The following PCYT2 variants were observed in gnomAD, a reference collection of about 807,000 sequenced individuals.
The protein encoded by PCYT2 is phosphate cytidylyltransferase 2, ethanolamine.
PCYT2 carries 33 observed loss-of-function variants against 50.0 expected under a neutral mutation model. The observed-to-expected ratio is 0.66, with a 90% CI of 0.50 to 0.88. PCYT2 has a LOEUF of 0.88. Ranked by LOEUF, PCYT2 falls within the 40% of genes least tolerant of loss-of-function variation. The probability of loss-of-function intolerance (pLI) is 0.00; values close to 1 mark genes in which losing one functional copy is unlikely to be tolerated. For missense variants in PCYT2, 430 were observed against 519.7 expected, an observed-to-expected ratio of 0.83 and a Z score of 1.68; for synonymous variants, 240 against 203.7, an observed-to-expected ratio of 1.18 and a Z score of -1.52.
intron 4 of PCYT2, 59 bp downstream of exon 4, chr17:81,908,509 G>A: frequency 7.5e-7 from 1 of 1,336,066 alleles, no homozygotes; most frequent in Middle Eastern, 1.8e-4. Context: ...CAAAGCACGA[G>A]CCAGGAGGGA....
chr17:81,908,473 T>TCC lies in PCYT2; in HGVS notation c.407+93_407+94dup, dbSNP rs1489848370. 4.4e-6 allele frequency: 4 copies of TCC among 915,780 alleles called. No individual in the cohort carries two copies. The Admixed American group carries it at 7.9e-5, about 18-fold the overall frequency. 56.7% of individuals were successfully genotyped at this position (915,780 alleles called of 1,614,324 possible). ...GGAACATGGCCCAGGGCCTGGACGC[T>TCC]CCCCTCACGGGCTCCCGGTAAATAG... is the stretch of plus-strand genomic sequence containing the variant. On this transcript the variant is annotated intron_variant, in intron 4 of 12. Coordinates refer to ENST00000538936, the MANE Select transcript of PCYT2 (RefSeq NM_002861.5).
Position 81,909,617 on chromosome 17 carries a change from A to T in PCYT2, c.90-15T>A. On this transcript the variant is annotated splice_polypyrimidine_tract_variant and intron_variant, in intron 1 of 12. Coordinates refer to ENST00000538936, the MANE Select transcript of PCYT2 (RefSeq NM_002861.5). ...CCATGTCATAGCTGTGGAGACAGAG[A>T]GAGTGGGTGGTCCCTGTGCCAAGGG... 5.0e-6 allele frequency: 8 copies of T among 1,604,084 alleles called. No individual in the cohort carries two copies. The highest frequency in any genetic ancestry group is 6.8e-6 in the Non-Finnish European group (8 of 1,171,854).
chr17:81,907,184 T>C, intron 6 of PCYT2: 1 of 1,520,954 alleles, frequency 6.6e-7, no homozygotes, highest in African/African-American at 1.4e-5. Flanking sequence ...CCTGGTACCC[T>C]GAGACCACTG....
At chr17:81,910,991 G>A (rs2040567579) in intron 1 of PCYT2, 3 of 993,402 alleles carry the variant, frequency 3.0e-6, no homozygotes, top group Non-Finnish European at 3.6e-6. Flanking sequence ...CAGGGAGGCC[G>A]TGGCTCCAGA....
intron 1 of PCYT2, chr17:81,911,037 G>C: frequency 1.0e-6 from 1 of 997,468 alleles, no homozygotes; most frequent in Non-Finnish European, 1.2e-6. Flanking sequence ...AGGTCGGCGT[G>C]ACCGGGCGGG....
At position 81,907,544 on chromosome 17, in the gene PCYT2, C is replaced by A; in HGVS notation, c.537+10G>T. The A allele has an allele frequency of 6.2e-7, 1 of 1,606,710 alleles. No individual in the cohort carries two copies. The highest frequency in any genetic ancestry group is 8.5e-7 in the Non-Finnish European group (1 of 1,177,200). ...TGCGTGCTCAGCTCTCCCTGCACAGCCGCACTCACCTTGCCAAAACTGTCT... is the reference window on the plus strand; with the variant it reads ...TGCGTGCTCAGCTCTCCCTGCACAGACGCACTCACCTTGCCAAAACTGTCT... On this transcript the variant is annotated intron_variant, in intron 6 of 12. Transcript: ENST00000538936.
At chr17:81,909,080 C>G in intron 2 of PCYT2, 43 bp from the exon 3 acceptor site, 4 of 1,591,576 alleles carry the variant, frequency 2.5e-6, no homozygotes, top group Non-Finnish European at 3.4e-6. Context: ...CCAGCCCACC[C>G]GGCCCCTCCA....
rs1023176990 is a variant in PCYT2 at position 81,908,257 on chromosome 17, G to A, written c.407+311C>T. 4.6e-5 allele frequency among the ~76,000 whole-genome samples: 7 copies of A among 152,198 alleles called. No homozygotes were observed. In the South Asian group the frequency reaches 8.3e-4, roughly 18 times the overall value. ...GAGCCACTGGCCTCATGTCCCTGACGTCTGGTAATTCAGATATAGTGCCAG... is the reference window on the plus strand; with the variant it reads ...GAGCCACTGGCCTCATGTCCCTGACATCTGGTAATTCAGATATAGTGCCAG... On this transcript the variant is annotated intron_variant, in intron 4 of 12. Coordinates refer to ENST00000538936, the MANE Select transcript of PCYT2 (RefSeq NM_002861.5).
intron 11 of PCYT2, 25 bp downstream of exon 11, chr17:81,905,356 GC>G: frequency 1.3e-6 from 2 of 1,545,370 alleles, no homozygotes; most frequent in Admixed American, 2.0e-5. Context: ...CAACCCCTGT[GC>G]CCAGCAAGGG....
At position 81,901,216 on chromosome 17, in the gene PCYT2, G is replaced by A. The variant is rs1282947822; in HGVS notation, c.*3617C>T. The A allele has an allele frequency of 2.0e-5, 3 of 152,218 alleles. No homozygotes were observed. Among genetic ancestry groups the A allele is most frequent in the South Asian group, 2.1e-4 (1 of 4,834 alleles). The allele number at this position is 152,218 out of a possible 1,614,324, so 9.4% of individuals were successfully genotyped here. ...TGCGAGGGCGGGAAGCATCCAGCAT[G>A]GGAGAAAGATGGAGGCCAGATTCAG... On this transcript the variant is annotated 3_prime_UTR_variant, in exon 13 of 13. Transcript: ENST00000538936.
intron 6 of PCYT2, 93 bp from the exon 7 acceptor site, chr17:81,906,991 A>T (rs2040309150): frequency 1.4e-6 from 2 of 1,411,822 alleles, no homozygotes; most frequent in African/African-American, 2.8e-5. Flanking sequence ...ACCTGCCAGC[A>T]ATCCCATTTC....
At chr17:81,910,376 C>G (rs1218202616) in intron 1 of PCYT2, among the ~76,000 whole-genome samples, 3 of 152,226 alleles carry the variant, frequency 2.0e-5, no homozygotes, top group Admixed American at 6.5e-5. Flanking sequence ...CCACACAGTG[C>G]ACAGAGTTGC....
chr17:81,906,346 C>T, intron 8 of PCYT2, 118 bp downstream of exon 8: 1 of 1,164,596 alleles, frequency 8.6e-7, no homozygotes, highest in Non-Finnish European at 1.3e-6. Context: ...CCCCCAGGGT[C>T]TCCTGTGACT....
intron 1 of PCYT2, 59 bp from the exon 2 acceptor site, chr17:81,909,661 G>C: frequency 7.6e-7 from 1 of 1,318,292 alleles, no homozygotes; most frequent in East Asian, 2.3e-5. Context: ...AGGTGTCCCT[G>C]TGGGTTAGGG....
chr17:81,909,231 CAG>C (rs1648324568), intron 2 of PCYT2, 194 bp from the exon 3 acceptor site: 2 of 1,431,870 alleles, frequency 1.4e-6, no homozygotes, highest in Non-Finnish European at 1.8e-6. Context: ...CAGGCAAAGG[CAG>C]AGATTCCTTC....
chr17:81,908,581 C>T lies in PCYT2; in HGVS notation c.394G>A (p.Ala132Thr), dbSNP rs1381849519. The T allele has an allele frequency of 2.5e-6, 4 of 1,613,462 alleles. No homozygotes were observed. The highest frequency in any genetic ancestry group is 3.4e-6 in the Non-Finnish European group (4 of 1,179,616). The change falls in exon 4 of 13, where the codon GCT becomes ACT. Residue 132 changes from alanine to threonine, a missense_variant. Physicochemically the swap from Ala to Thr is moderately conservative, Grantham distance 58. Transcript: ENST00000538936. ...GRDTYEEVKQ[A>T]GRYRECKRTQ... ...GTGGAGACTCACCTGTACCTCCCAGCCTGCTTTACTTCCTCATAGGTGTCC... is the reference window on the plus strand; with the variant it reads ...GTGGAGACTCACCTGTACCTCCCAGTCTGCTTTACTTCCTCATAGGTGTCC...
In PCYT2 at chr17:81,907,612, C is replaced by A; in HGVS notation, c.493-14G>T. On this transcript the variant is annotated splice_polypyrimidine_tract_variant and intron_variant, in intron 5 of 12. Transcript: ENST00000538936. Reference sequence around the variant, plus strand: ...AGAGGACATCTCCTGCACAGAAGGTCAGAGCAGGGCTGAGGGGCCTGCCCT... The same window carrying A: ...AGAGGACATCTCCTGCACAGAAGGTAAGAGCAGGGCTGAGGGGCCTGCCCT... 3.1e-6 allele frequency: 5 copies of A among 1,610,996 alleles called. No homozygotes were observed. Among genetic ancestry groups the A allele is most frequent in the South Asian group, 1.1e-5 (1 of 90,692 alleles).
In PCYT2 at chr17:81,902,441, G is replaced by C. The variant is rs2039989429; in HGVS notation, c.*2392C>G. 2 of 1,353,376 alleles carry C rather than the reference G, an allele frequency of 1.5e-6. No homozygotes were observed. The highest frequency in any genetic ancestry group is 1.9e-6 in the Non-Finnish European group (2 of 1,060,426). 83.8% of individuals were successfully genotyped at this position (1,353,376 alleles called of 1,614,324 possible). On this transcript the variant is annotated 3_prime_UTR_variant, in exon 13 of 13. Transcript: ENST00000538936. The stretch of plus-strand genomic sequence containing the variant: ...CTCCGCAGGTCCCCGTACGCGCGGC[G>C]CTCCCAGCCCTACAGAGGGGCGGAA...
In PCYT2 at chr17:81,905,366, G is replaced by A; in HGVS notation, c.969+16C>T. On this transcript the variant is annotated intron_variant, in intron 11 of 12. Transcript: ENST00000538936. ...AATGGCAACCCCTGTGCCCAGCAAG[G>A]GCCAGCATGACCCACCTGGTATGGG... 2 of 1,552,932 alleles carry A rather than the reference G, an allele frequency of 1.3e-6. No individual in the cohort carries two copies. Among genetic ancestry groups the A allele is most frequent in the Non-Finnish European group, 1.7e-6 (2 of 1,147,656 alleles).
Sources: allele counts gnomAD v4.1 joint callset (sites outside exome capture counted in the v4.1 genomes callset), GRCh38; gene constraint gnomAD v4.1.1; transcripts MANE v1.5; gene names NCBI Gene and HGNC (gene_info 2026-07-23, HGNC 2026-07-21).